The following FHIT variants were observed in gnomAD, a reference collection of about 807,000 sequenced individuals.
FHIT encodes fragile histidine triad diadenosine triphosphatase.
In FHIT, 19 loss-of-function variants were observed where a neutral mutation model predicts 17.9. The ratio of observed to expected loss-of-function variants is 1.06; its 90% CI spans 0.74 to 1.56. The LOEUF is 1.56. Among genes scored for constraint, FHIT ranks in the 40% most tolerant of loss-of-function variants. The probability of loss-of-function intolerance (pLI) is 0.00; values close to 1 mark genes in which losing one functional copy is unlikely to be tolerated. For missense variants in FHIT, 248 were observed against 189.2 expected (o/e 1.31, Z -1.82); for synonymous variants, 81 against 69.7 (o/e 1.16, Z -0.81).
At chr3:61,244,936 ATCTG>A (rs1226378276) in intron 1 of FHIT, among the ~76,000 whole-genome samples, 1 of 152,122 alleles carries the variant, frequency 6.6e-6, no homozygotes, top group Non-Finnish European at 1.5e-5. Flanking sequence ...TCTCTCGTTA[ATCTG>A]TCTTTTGTTA....
At chr3:59,952,001 C>T (rs920667881) in intron 7 of FHIT, among the ~76,000 whole-genome samples, 3 of 152,122 alleles carry the variant, frequency 2.0e-5, no homozygotes, top group Admixed American at 6.5e-5. Flanking sequence ...TTGCCTCCCC[C>T]AAATTCCTCC....
chr3:60,484,932 C>T (rs1244705782), intron 5 of FHIT, among the ~76,000 whole-genome samples: 1 of 151,888 alleles, frequency 6.6e-6, no homozygotes, highest in Non-Finnish European at 1.5e-5. Context: ...ATATCCAGAA[C>T]TTACAAGGAA....
intron 1 of FHIT, among the ~76,000 whole-genome samples, chr3:61,213,891 T>G (rs546604073): frequency 6.6e-6 from 1 of 152,172 alleles, no homozygotes; most frequent in Non-Finnish European, 1.5e-5. Flanking sequence ...CTGAACAACC[T>G]GCTCCTGAAT....
chr3:60,266,508 G>A (rs1247332162), intron 5 of FHIT, among the ~76,000 whole-genome samples: 7 of 151,992 alleles, frequency 4.6e-5, no homozygotes, highest in South Asian at 2.1e-4. Flanking sequence ...ATAATGTTCC[G>A]AAAACCACAG....
intron 4 of FHIT, among the ~76,000 whole-genome samples, chr3:60,615,368 G>T (rs1159819274): frequency 6.6e-6 from 1 of 152,174 alleles, no homozygotes; most frequent in Non-Finnish European, 1.5e-5. Flanking sequence ...TGTAGGAAAC[G>T]TGATTCCGTG....
intron 2 of FHIT, among the ~76,000 whole-genome samples, chr3:61,196,836 C>A (rs1188809550): frequency 2.6e-5 from 4 of 152,184 alleles, no homozygotes; most frequent in African/African-American, 4.8e-5. Flanking sequence ...CATTGCCAAC[C>A]CACAATGCTG....
At chr3:60,408,850 C>T (rs570381787) in intron 5 of FHIT, among the ~76,000 whole-genome samples, 3 of 151,872 alleles carry the variant, frequency 2.0e-5, no homozygotes, top group Non-Finnish European at 4.4e-5. Context: ...TTTTTAAAAA[C>T]AAAAAACAAA....
intron 7 of FHIT, among the ~76,000 whole-genome samples, chr3:59,938,065 C>T (rs907223257): frequency 6.6e-6 from 1 of 152,120 alleles, no homozygotes; most frequent in Non-Finnish European, 1.5e-5. Flanking sequence ...TCCATATTAC[C>T]TTTGAAATCA....
chr3:60,697,635 G>T (rs1215242134), intron 4 of FHIT, among the ~76,000 whole-genome samples: 1 of 152,028 alleles, frequency 6.6e-6, no homozygotes, highest in Non-Finnish European at 1.5e-5. Flanking sequence ...TATTTTAAAA[G>T]ACAGGAAAAT....
At chr3:60,464,056 T>C (rs1361908767) in intron 5 of FHIT, among the ~76,000 whole-genome samples, 5 of 152,156 alleles carry the variant, frequency 3.3e-5, no homozygotes, top group African/African-American at 1.2e-4. Context: ...AACATCCTAA[T>C]ATGCCTTGAA....
chr3:60,140,563 G>T (rs1042558491), intron 5 of FHIT, among the ~76,000 whole-genome samples: 1 of 146,284 alleles, frequency 6.8e-6, no homozygotes, highest in Non-Finnish European at 1.5e-5. Context: ...TGGAGGGAAA[G>T]ACACAGACTC....
chr3:60,029,897 CTGTGTGTGTGTGTG>C (rs71089569), intron 5 of FHIT, among the ~76,000 whole-genome samples: 3 of 127,822 alleles, frequency 2.3e-5, no homozygotes, highest in African/African-American at 1.0e-4. Context: ...GTGTGTGTGT[CTGTGTGTGTGTGTG>C]TGTGTGTGTG....
At chr3:60,397,985 A>AT (rs1701516310) in intron 5 of FHIT, among the ~76,000 whole-genome samples, 1 of 152,040 alleles carries the variant, frequency 6.6e-6, no homozygotes, top group African/African-American at 2.4e-5. Flanking sequence ...ATATTAGAGA[A>AT]TTTTCCCACT....
intron 8 of FHIT, among the ~76,000 whole-genome samples, chr3:59,861,969 A>G (rs1012288846): frequency 6.6e-6 from 1 of 152,072 alleles, no homozygotes; most frequent in Non-Finnish European, 1.5e-5. Context: ...TAGTTGGATG[A>G]TGAATATAAA....
Position 60,012,965 on chromosome 3 carries a change from T to C in FHIT, c.249+1042A>G, listed in dbSNP as rs533656036. Among the ~76,000 whole-genome samples the C allele has an allele frequency of 3.9e-5, 6 of 152,274 alleles. No individual in the cohort carries two copies. In the East Asian group the frequency reaches 9.7e-4, roughly 25 times the overall value. The stretch of plus-strand genomic sequence containing the variant: ...CTCTCCAGAAACACGGTTTGCAACA[T>C]AAGCTTGATAAACCCACTCTGAACT... On this transcript the variant is annotated intron_variant, in intron 6 of 9. Transcript: ENST00000492590.
At chr3:60,977,023 A>G (rs1277169153) in intron 3 of FHIT, among the ~76,000 whole-genome samples, 5 of 152,154 alleles carry the variant, frequency 3.3e-5, no homozygotes, top group Admixed American at 6.5e-5. Context: ...TTCATCATCA[A>G]CATGACGGTC....
intron 4 of FHIT, among the ~76,000 whole-genome samples, chr3:60,649,278 TA>T (rs1553687623): frequency 4.6e-5 from 7 of 152,242 alleles, no homozygotes; most frequent in Admixed American, 3.3e-4. Flanking sequence ...CGGGCACCTG[TA>T]GTCCCAGCTA....
intron 4 of FHIT, among the ~76,000 whole-genome samples, chr3:60,779,924 G>A (rs1224919397): frequency 1.3e-5 from 2 of 152,176 alleles, no homozygotes; most frequent in Non-Finnish European, 2.9e-5. Context: ...CAGCAGGGGA[G>A]ATAGGGCATA....
rs1707747615 is a variant in FHIT at position 60,286,722 on chromosome 3, T to G, written c.103+250138A>C. On this transcript the variant is annotated intron_variant, in intron 5 of 9. Transcript: ENST00000492590. The stretch of plus-strand genomic sequence containing the variant: ...GTGTTTGCTATTTAAATTGTTTTTG[T>G]ATCAATGGGCTTAGAACACTGTGGA... 2.0e-5 allele frequency among the ~76,000 whole-genome samples: 3 copies of G among 152,218 alleles called. No homozygotes were observed. In the South Asian group the frequency reaches 6.2e-4, roughly 31 times the overall value.
Sources: gnomAD v4.1 joint callset for allele counts (sites outside exome capture counted in the v4.1 genomes callset) on GRCh38, gnomAD v4.1.1 for gene constraint, MANE v1.5 for transcripts, NCBI Gene and HGNC (gene_info 2026-07-23, HGNC 2026-07-21) for gene names.